Variants in CD84 observed in about 807,000 individuals in gnomAD.
The protein encoded by CD84 is SLAM family member 5.
In CD84, 22 loss-of-function variants were observed where a neutral mutation model predicts 33.8. The observed-to-expected ratio is 0.65, with a 90% CI of 0.46 to 0.93. The LOEUF is 0.93. Ranked by LOEUF, CD84 falls within the 40% of genes least tolerant of loss-of-function variation. The probability of loss-of-function intolerance (pLI) is 0.00; values close to 1 mark genes in which losing one functional copy is unlikely to be tolerated. For synonymous variants in CD84, 154 were observed against 145.2 expected (o/e 1.06, Z -0.44); for missense variants, 400 against 397.6 (o/e 1.01, Z -0.05).
At chr1:160,566,066 T>C (rs1244279992) in intron 1 of CD84, among the ~76,000 whole-genome samples, 1 of 152,202 alleles carries the variant, frequency 6.6e-6, no homozygotes, top group African/African-American at 2.4e-5. Flanking sequence ...CCACGTAGTC[T>C]AAGATATTAG....
chr1:160,553,317 G>A (rs1269055361), intron 4 of CD84, 61 bp downstream of exon 4: 1 of 1,613,552 alleles, frequency 6.2e-7, no homozygotes, highest in South Asian at 1.1e-5. Flanking sequence ...TGGATAAATG[G>A]CTTCAGTCCC....
rs1180915153 is a variant in CD84 at position 160,544,156 on chromosome 1, T to C, written c.*4100A>G. Reference sequence around the variant, plus strand: ...CTTTGTTCTTCAAACTTTTTTTTTTTTTTTTTTTTTTGAGACGGAGTCTCA... The same window carrying C: ...CTTTGTTCTTCAAACTTTTTTTTTTCTTTTTTTTTTTGAGACGGAGTCTCA... On this transcript the variant is annotated 3_prime_UTR_variant, in exon 7 of 7. Coordinates refer to ENST00000368054, the MANE Select transcript of CD84 (RefSeq NM_003874.4). 1 of 146,478 alleles carries C rather than the reference T, an allele frequency of 6.8e-6. No individual in the cohort carries two copies. The highest frequency in any genetic ancestry group is 6.8e-5 in the Admixed American group (1 of 14,692). 9.1% of individuals were successfully genotyped at this position (146,478 alleles called of 1,614,324 possible). A position where few individuals can be genotyped will look rare whatever the true frequency, so the allele number is the denominator to read the frequency against.
At chr1:160,568,854 C>T (rs999460745) in intron 1 of CD84, among the ~76,000 whole-genome samples, 5 of 152,152 alleles carry the variant, frequency 3.3e-5, no homozygotes, top group African/African-American at 1.2e-4. Flanking sequence ...CTCCTGACCT[C>T]AAATGCTCTG....
Position 160,554,161 on chromosome 1 carries a change from A to G in CD84, c.389-15T>C, listed in dbSNP as rs779085907. The stretch of plus-strand genomic sequence containing the variant: ...CCCAAGCCGACCTGTGGGGGCAAAC[A>G]CATGAGCCAATAGTGAGCTGGAGCT... On this transcript the variant is annotated splice_polypyrimidine_tract_variant and intron_variant, in intron 2 of 6. Transcript: ENST00000368054. 2 of 1,601,790 alleles carry G rather than the reference A, an allele frequency of 1.2e-6. No homozygotes were observed. The highest frequency in any genetic ancestry group is 1.7e-5 in the Admixed American group (1 of 59,568).
At chr1:160,553,827 G>A (rs755040792) in intron 3 of CD84, 68 bp downstream of exon 3, 4 of 1,610,466 alleles carry the variant, frequency 2.5e-6, no homozygotes, top group Non-Finnish European at 3.4e-6. Flanking sequence ...TGTGGCCCAC[G>A]TTCAGACCTT....
chr1:160,554,874 T>A (rs1656498978), intron 2 of CD84, among the ~76,000 whole-genome samples: 1 of 144,054 alleles, frequency 6.9e-6, no homozygotes, highest in Non-Finnish European at 1.5e-5. Flanking sequence ...GAATTTATCC[T>A]CTAGTGCCCT....
At chr1:160,575,918 G>A (rs1286984339) in intron 1 of CD84, among the ~76,000 whole-genome samples, 1 of 152,140 alleles carries the variant, frequency 6.6e-6, no homozygotes, top group Non-Finnish European at 1.5e-5. Flanking sequence ...TCCACTGAAG[G>A]CCTGAGTTAT....
rs1655575327 is a variant in CD84, at chr1:160,542,174, T to C, written c.*6082A>G. On this transcript the variant is annotated 3_prime_UTR_variant, in exon 7 of 7. Coordinates refer to ENST00000368054, the MANE Select transcript of CD84 (RefSeq NM_003874.4). ...TAGGATGAGCTACTGTGATTCAGCC[T>C]TAAAGACTTCACCTTTCTGTGACCC... The C allele has an allele frequency of 1.3e-5, 2 of 152,260 alleles. No homozygotes were observed. The highest frequency in any genetic ancestry group is 6.5e-5 in the Admixed American group (1 of 15,288). The allele number at this position is 152,260 out of a possible 1,614,324, so 9.4% of individuals were successfully genotyped here.
At chr1:160,567,169 A>G (rs7517554) in intron 1 of CD84, among the ~76,000 whole-genome samples, 18,130 of 152,230 alleles carry the variant, frequency 0.12, 2,271 homozygotes, top group African/African-American at 0.32. Flanking sequence ...AGTTTTCCAC[A>G]TAAGTGGGTT....
intron 1 of CD84, among the ~76,000 whole-genome samples, chr1:160,578,814 T>G (rs1658127791): frequency 6.6e-6 from 1 of 152,160 alleles, no homozygotes; most frequent in South Asian, 2.1e-4. Flanking sequence ...AGACTATTTG[T>G]AAAAAATGGG....
At chr1:160,550,627 C>T in intron 5 of CD84, 1 of 985,358 alleles carries the variant, frequency 1.0e-6, no homozygotes, top group Non-Finnish European at 1.2e-6. Flanking sequence ...CCAGTAGCTC[C>T]TCTGTTGTGT....
intron 2 of CD84, among the ~76,000 whole-genome samples, chr1:160,557,454 G>C (rs796211646): frequency 1.3e-5 from 2 of 152,294 alleles, no homozygotes; most frequent in African/African-American, 4.8e-5. Flanking sequence ...TGCCTTTATG[G>C]AACTTGCATT....
chr1:160,565,425 G>A lies in CD84; in HGVS notation c.367C>T (p.Arg123Cys), dbSNP rs755614848. Residue 123 changes from arginine to cysteine, a missense_variant, in exon 2 of 7, where the codon CGC (arginine) becomes TGC (cysteine). Transcript: ENST00000368054. ...TTACGATAGATTTGCAGGTTGTAGC[G>A]CTTGGTGGTGGTGTAGGGATCAGCC... The part of the protein sequence containing the change: ...TQADPYTTTK[R>C]YNLQIYRRLG... 9 of 1,607,006 alleles carry A rather than the reference G, an allele frequency of 5.6e-6. 1 individual carries two copies. The East Asian group carries it at 6.7e-5, about 12-fold the overall frequency.
rs1655906911 is a variant in CD84 at position 160,547,636 on chromosome 1, A to C, written c.*620T>G. On this transcript the variant is annotated 3_prime_UTR_variant, in exon 7 of 7. Coordinates refer to ENST00000368054, the MANE Select transcript of CD84 (RefSeq NM_003874.4). ...GCCCTGCACAAAGATTCCCAGACAAAGGGATGAGTGTGCTTATATGCAGCC... is the reference window on the plus strand; with the variant it reads ...GCCCTGCACAAAGATTCCCAGACAACGGGATGAGTGTGCTTATATGCAGCC... 6.3e-6 allele frequency: 1 copy of C among 159,360 alleles called. No individual in the cohort carries two copies. The highest frequency in any genetic ancestry group is 2.4e-5 in the African/African-American group (1 of 41,708). 9.9% of individuals were successfully genotyped at this position (159,360 alleles called of 1,614,324 possible). A position where few individuals can be genotyped will look rare whatever the true frequency, so the allele number is the denominator to read the frequency against.
In CD84 at chr1:160,550,981, T is replaced by C. The variant is rs143879677; in HGVS notation, c.815A>G (p.Gln272Arg). ...ATCATAGATTCTGGACTCTGCTGGC[T>C]GGGTGTTCCTTGAAGCCATGATATA... ...YTYIMASRNT[Q>R]PAESRIYDEI... Residue 272 changes from glutamine to arginine, a missense_variant, in exon 5 of 7, where the codon CAG becomes CGG. Coordinates refer to ENST00000368054, the MANE Select transcript of CD84 (RefSeq NM_003874.4). 1.3e-3 allele frequency: 2,175 copies of C among 1,614,162 alleles called. 1 individual carries two copies. Among genetic ancestry groups the C allele is most frequent in the Non-Finnish European group, 1.6e-3 (1,858 of 1,179,988 alleles).
intron 2 of CD84, among the ~76,000 whole-genome samples, chr1:160,560,849 A>G (rs1045792840): frequency 2.6e-5 from 4 of 152,204 alleles, no homozygotes; most frequent in Non-Finnish European, 4.4e-5. Flanking sequence ...AACAACCATC[A>G]GAGAATACTA....
At chr1:160,558,714 C>A (rs1236721538) in intron 2 of CD84, among the ~76,000 whole-genome samples, 1 of 152,084 alleles carries the variant, frequency 6.6e-6, no homozygotes, top group Non-Finnish European at 1.5e-5. Flanking sequence ...CATGTTCTAA[C>A]TCAATGCAAA....
chr1:160,551,119 A>G (rs1431547844), intron 4 of CD84, 84 bp from the exon 5 acceptor site: 1 of 1,024,104 alleles, frequency 9.8e-7, no homozygotes, highest in African/African-American at 1.6e-5. Flanking sequence ...TCTTTTTAAG[A>G]TGAAGAAAGG....
chr1:160,553,130 G>T (rs1656349098), intron 4 of CD84: 4 of 632,100 alleles, frequency 6.3e-6, no homozygotes, highest in Non-Finnish European at 8.6e-6. Flanking sequence ...GTTCATGTAT[G>T]TACTAAGCTC....
Sources: allele counts gnomAD v4.1 joint callset (sites outside exome capture counted in the v4.1 genomes callset), GRCh38; gene constraint gnomAD v4.1.1; transcripts MANE v1.5; gene names NCBI Gene and HGNC (gene_info 2026-07-23, HGNC 2026-07-21).